The following CHRM3 variants were observed in gnomAD, a reference collection of about 807,000 sequenced individuals.
CHRM3 encodes muscarinic acetylcholine receptor M3.
A neutral mutation model predicts 41.8 loss-of-function variants in CHRM3; 11 were observed. That is an observed-to-expected ratio of 0.26 (90% CI 0.17 to 0.44). The LOEUF is 0.44. Among genes scored for constraint, CHRM3 ranks in the 20% least tolerant of loss-of-function variants. The pLI, the probability that CHRM3 is intolerant of heterozygous loss-of-function variation, is 1.00. For synonymous variants in CHRM3, 297 were observed against 301.4 expected (o/e 0.99, Z 0.15); for missense variants, 571 against 745.4 (o/e 0.77, Z 2.72).
chr1:239,519,620 G>T (rs2148253454), intron 2 of CHRM3, among the ~76,000 whole-genome samples: 1 of 151,422 alleles, frequency 6.6e-6, no homozygotes, highest in Admixed American at 6.6e-5. Context: ...TTAACACAGA[G>T]AATATTCAAT....
intron 3 of CHRM3, among the ~76,000 whole-genome samples, chr1:239,618,613 G>A (rs1321253768): frequency 2.0e-5 from 3 of 151,808 alleles, no homozygotes; most frequent in Non-Finnish European, 4.4e-5. Flanking sequence ...GGGAGGCCAA[G>A]GCGGTCGGAT....
At chr1:239,483,299 T>C (rs1666980975) in intron 1 of CHRM3, among the ~76,000 whole-genome samples, 1 of 152,208 alleles carries the variant, frequency 6.6e-6, no homozygotes, top group Non-Finnish European at 1.5e-5. Flanking sequence ...GAAGCTCTCA[T>C]TGTCATAAGC....
At chr1:239,822,143 G>A (rs1466501120) in intron 5 of CHRM3, among the ~76,000 whole-genome samples, 1 of 152,140 alleles carries the variant, frequency 6.6e-6, no homozygotes, top group Non-Finnish European at 1.5e-5. Context: ...GCTAATAGAT[G>A]AGCATTAACA....
At chr1:239,848,065 A>G (rs1289316721) in intron 6 of CHRM3, among the ~76,000 whole-genome samples, 1 of 150,254 alleles carries the variant, frequency 6.7e-6, no homozygotes, top group African/African-American at 2.5e-5. Context: ...TCATCTCCAT[A>G]TTAAAAATAC....
At chr1:239,897,093 A>G (rs980134260) in intron 6 of CHRM3, among the ~76,000 whole-genome samples, 16 of 152,180 alleles carry the variant, frequency 1.1e-4, no homozygotes, top group Admixed American at 9.8e-4. Flanking sequence ...CAATGTGCCC[A>G]CGTGGCAGAA....
At chr1:239,875,025 G>A (rs1572561114) in intron 6 of CHRM3, among the ~76,000 whole-genome samples, 4 of 152,228 alleles carry the variant, frequency 2.6e-5, no homozygotes, top group East Asian at 1.9e-4. Flanking sequence ...GGCAAAAAAC[G>A]CAATTACTTT....
intron 5 of CHRM3, among the ~76,000 whole-genome samples, chr1:239,768,577 AT>A (rs1294136447): frequency 6.6e-6 from 1 of 152,156 alleles, no homozygotes; most frequent in African/African-American, 2.4e-5. Context: ...GCTTCTAAAC[AT>A]TTGGTAGTGA....
At chr1:239,437,552 T>C (rs1253808426) in intron 1 of CHRM3, among the ~76,000 whole-genome samples, 1 of 152,174 alleles carries the variant, frequency 6.6e-6, no homozygotes, top group African/African-American at 2.4e-5. Context: ...TTTTATTTTT[T>C]TTGAGACGGA....
At chr1:239,840,965 A>G (rs952104767) in intron 6 of CHRM3, among the ~76,000 whole-genome samples, 23 of 152,160 alleles carry the variant, frequency 1.5e-4, no homozygotes, top group Admixed American at 1.4e-3. Flanking sequence ...AGCAACAAAC[A>G]CTGAGGAAGT....
chr1:239,474,550 C>G (rs1316769880), intron 1 of CHRM3, among the ~76,000 whole-genome samples: 1 of 152,054 alleles, frequency 6.6e-6, no homozygotes, highest in Non-Finnish European at 1.5e-5. Flanking sequence ...GGAATAGTGA[C>G]TGGTGTCTAG....
chr1:239,703,784 A>G (rs1660897644), intron 5 of CHRM3: 1 of 152,190 alleles, frequency 6.6e-6, no homozygotes, highest in Admixed American at 6.5e-5. Flanking sequence ...GGAGACATAA[A>G]GGCAAATAGA....
At chr1:239,890,347 C>G (rs1239798694) in intron 6 of CHRM3, among the ~76,000 whole-genome samples, 1 of 142,816 alleles carries the variant, frequency 7.0e-6, no homozygotes, top group South Asian at 2.3e-4. Context: ...GACTCTATCT[C>G]AAAAAAAAAA....
chr1:239,559,072 G>A (rs548871748), intron 3 of CHRM3, among the ~76,000 whole-genome samples: 1 of 152,210 alleles, frequency 6.6e-6, no homozygotes, highest in South Asian at 2.1e-4. Flanking sequence ...ACTGACATAA[G>A]CTTTTGCTAG....
chr1:239,576,689 G>A (rs1662392252), intron 3 of CHRM3, among the ~76,000 whole-genome samples: 1 of 151,798 alleles, frequency 6.6e-6, no homozygotes, highest in Admixed American at 6.6e-5. Flanking sequence ...GGAAGCTGAG[G>A]CAGGAGGATC....
chr1:239,521,166 G>A (rs927020381), intron 2 of CHRM3, among the ~76,000 whole-genome samples: 2 of 152,220 alleles, frequency 1.3e-5, no homozygotes, highest in Non-Finnish European at 2.9e-5. Context: ...AATTACTGCA[G>A]CAAACCTAGA....
chr1:239,482,563 C>T (rs1031415292), intron 1 of CHRM3, among the ~76,000 whole-genome samples: 1 of 152,182 alleles, frequency 6.6e-6, no homozygotes, highest in African/African-American at 2.4e-5. Context: ...CCCCTAGTCA[C>T]TCTTAGTATC....
In CHRM3 at chr1:239,664,067, C is replaced by T. The variant is rs539601563; in HGVS notation, c.-249-14119C>T. ...TCCTCTGGGTCTTCCTTCTGGTTTT[C>T]GTGAAGAATTAAAAGCTACCAAAAT... is the stretch of plus-strand genomic sequence containing the variant. On this transcript the variant is annotated intron_variant, in intron 4 of 6. Transcript: ENST00000676153. Among the ~76,000 whole-genome samples, 6 of 152,216 alleles carry T rather than the reference C, an allele frequency of 3.9e-5. No individual in the cohort carries two copies. The East Asian group carries it at 9.7e-4, about 24-fold the overall frequency.
intron 3 of CHRM3, among the ~76,000 whole-genome samples, chr1:239,583,965 A>G (rs1371279676): frequency 6.6e-6 from 1 of 152,100 alleles, no homozygotes; most frequent in African/African-American, 2.4e-5. Flanking sequence ...GGCGTTGAGG[A>G]ATAGAAAATA....
At chr1:239,492,640 T>C (rs1288579983) in intron 1 of CHRM3, 69 bp from the exon 2 acceptor site, 3 of 152,202 alleles carry the variant, frequency 2.0e-5, no homozygotes, top group Non-Finnish European at 2.9e-5. Context: ...CGAACTCAGC[T>C]GATAAGAAAT....
Sources: allele counts gnomAD v4.1 joint callset (sites outside exome capture counted in the v4.1 genomes callset), GRCh38; gene constraint gnomAD v4.1.1; transcripts MANE v1.5; gene names NCBI Gene and HGNC (gene_info 2026-07-23, HGNC 2026-07-21).